Variants in GATA6 observed in about 807,000 individuals in gnomAD.
GATA6 encodes transcription factor GATA-6.
GATA6 carries 11 observed loss-of-function variants against 48.1 expected under a neutral mutation model. The ratio of observed to expected loss-of-function variants is 0.23; its 90% CI spans 0.14 to 0.38. The LOEUF (loss-of-function observed/expected upper bound fraction) is 0.38, where lower values mean the gene tolerates loss of function less well. Among genes scored for constraint, GATA6 ranks in the 10% least tolerant of loss-of-function variants. The pLI is 1.00. For missense variants in GATA6, 795 were observed against 850.3 expected, an observed-to-expected ratio of 0.93 and a Z score of 0.81; for synonymous variants, 419 against 396.1, an observed-to-expected ratio of 1.06 and a Z score of -0.69.
At chr18:22,177,206 T>A (rs2033134117) in intron 3 of GATA6, 85 bp downstream of exon 3, 13 of 1,310,004 alleles carry the variant, frequency 9.9e-6, no homozygotes, top group Admixed American at 3.1e-5. Flanking sequence ...TCGGCCTGCC[T>A]TGGGCGTCCC....
intron 6 of GATA6, among the ~76,000 whole-genome samples, chr18:22,189,879 T>C (rs1279648471): frequency 3.3e-5 from 5 of 152,188 alleles, no homozygotes; most frequent in Non-Finnish European, 5.9e-5. Flanking sequence ...ACATTTTATT[T>C]TTTACTCCTC....
At chr18:22,191,680 T>G (rs1326914589) in intron 6 of GATA6, among the ~76,000 whole-genome samples, 2 of 152,192 alleles carry the variant, frequency 1.3e-5, no homozygotes, top group Non-Finnish European at 1.5e-5. Context: ...AAAAAGCATC[T>G]CCATAGACAG....
chr18:22,181,324 G>T, intron 3 of GATA6, 129 bp from the exon 4 acceptor site: 1 of 1,175,246 alleles, frequency 8.5e-7, no homozygotes, highest in South Asian at 1.4e-5. Flanking sequence ...TTTTTCTCAA[G>T]GACCATTTCA....
At chr18:22,179,066 GA>G (rs1211442633) in intron 3 of GATA6, among the ~76,000 whole-genome samples, 1 of 151,704 alleles carries the variant, frequency 6.6e-6, no homozygotes, top group South Asian at 2.1e-4. Context: ...AACTTAGAAG[GA>G]AAAAAAAGAA....
chr18:22,187,043 G>T (rs1319766443), intron 6 of GATA6, among the ~76,000 whole-genome samples: 1 of 152,096 alleles, frequency 6.6e-6, no homozygotes, highest in Non-Finnish European at 1.5e-5. Flanking sequence ...AATTATTTTT[G>T]TTTATTAAAA....
chr18:22,174,899 T>G (rs1300693330), intron 2 of GATA6, among the ~76,000 whole-genome samples: 1 of 151,978 alleles, frequency 6.6e-6, no homozygotes, highest in African/African-American at 2.4e-5. Flanking sequence ...TGGGGTGAGC[T>G]CAGAGTCCTC....
rs947739370 is a variant in GATA6 at position 22,175,921 on chromosome 18, C to A, written c.1136-1034C>A. 2.0e-5 allele frequency among the ~76,000 whole-genome samples: 3 copies of A among 152,026 alleles called. 1 individual carries two copies. The highest frequency in any genetic ancestry group is 2.0e-4 in the Admixed American group (3 of 15,262). Reference sequence around the variant, plus strand: ...CTATAATCTAAAGAACCTTAAATGGCGGTCTATACTTTTTTTTGGTCTATA... The same window carrying A: ...CTATAATCTAAAGAACCTTAAATGGAGGTCTATACTTTTTTTTGGTCTATA... On this transcript the variant is annotated intron_variant, in intron 2 of 6. Transcript: ENST00000269216.
chr18:22,178,589 G>T (rs1195121288), intron 3 of GATA6, among the ~76,000 whole-genome samples: 4 of 152,206 alleles, frequency 2.6e-5, no homozygotes, highest in African/African-American at 9.6e-5. Flanking sequence ...CACAATGTAA[G>T]TCTGACACCT....
At chr18:22,177,179 G>A in intron 3 of GATA6, 58 bp downstream of exon 3, 7 of 1,467,048 alleles carry the variant, frequency 4.8e-6, no homozygotes, top group Non-Finnish European at 5.4e-6. Context: ...TCCTGGCCCG[G>A]CCGGCCCCGC....
chr18:22,179,343 G>C (rs1001812177), intron 3 of GATA6, among the ~76,000 whole-genome samples: 2 of 152,172 alleles, frequency 1.3e-5, no homozygotes, highest in African/African-American at 4.8e-5. Flanking sequence ...GCAATACATT[G>C]CAAAATAAGA....
At chr18:22,181,623 G>T in intron 4 of GATA6, 45 bp downstream of exon 4, 1 of 1,607,528 alleles carries the variant, frequency 6.2e-7, no homozygotes, top group Non-Finnish European at 8.5e-7. Flanking sequence ...TTAGTATCTG[G>T]TTTGTATGTG....
At chr18:22,174,087 C>T (rs2033091230) in intron 2 of GATA6, among the ~76,000 whole-genome samples, 1 of 152,176 alleles carries the variant, frequency 6.6e-6, no homozygotes, top group Non-Finnish European at 1.5e-5. Context: ...CATAGGGACC[C>T]GTGTTTGGCT....
chr18:22,198,246 T>G (rs1050987324), intron 6 of GATA6, among the ~76,000 whole-genome samples: 3 of 152,106 alleles, frequency 2.0e-5, no homozygotes. Context: ...AACTTTTGTA[T>G]TTTTTGTAGA....
chr18:22,197,444 T>C (rs369014089), intron 6 of GATA6, among the ~76,000 whole-genome samples: 2 of 152,316 alleles, frequency 1.3e-5, no homozygotes, highest in Non-Finnish European at 2.9e-5. Context: ...CAAAGCTGTA[T>C]GTCAGGCTTC....
chr18:22,180,571 A>G (rs1256427583), intron 3 of GATA6, among the ~76,000 whole-genome samples: 2 of 152,180 alleles, frequency 1.3e-5, no homozygotes, highest in African/African-American at 4.8e-5. Context: ...GGCAGCATTA[A>G]GATTATGCCA....
At chr18:22,180,189 T>C (rs554579343) in intron 3 of GATA6, 1 of 152,274 alleles carries the variant, frequency 6.6e-6, no homozygotes, top group South Asian at 2.1e-4. Flanking sequence ...ATCCTTCCAA[T>C]TTTAGTATAT....
rs2033055704 is a variant in GATA6, at chr18:22,171,890, C to T, written c.746C>T (p.Pro249Leu). The change falls in exon 2 of 7, where the codon CCT (proline) becomes CTT (leucine). Residue 249 changes from proline (P) to leucine (L), a missense_variant. Around this residue, in one of 5 missense-constraint regions of GATA6, gnomAD observed 591 missense variants for 570.0 expected, o/e 1.04. Coordinates refer to ENST00000269216, the MANE Select transcript of GATA6 (RefSeq NM_005257.6). This position sits in a 1 kb window ranked among gnomAD's most constrained non-coding sequence, Gnocchi z 7.1. ...GCGGCTGGCGGCGGGGCCGCGGGGC[C>T]TGGCGGCGCTGGCTCAGCCGCGGCG... The part of the protein sequence containing the change: ...GGAAGGGAAG[P>L]GGAGSAAAHV... 8.7e-7 allele frequency: 1 copy of T among 1,152,754 alleles called. No homozygotes were observed. Among genetic ancestry groups the T allele is most frequent in the African/African-American group, 1.6e-5 (1 of 61,382 alleles). 71.4% of individuals were successfully genotyped at this position (1,152,754 alleles called of 1,614,324 possible).
intron 6 of GATA6, among the ~76,000 whole-genome samples, chr18:22,198,573 C>A (rs2033419672): frequency 6.6e-6 from 1 of 152,208 alleles, no homozygotes; most frequent in Admixed American, 6.5e-5. Flanking sequence ...AAAATCAATG[C>A]AAAGTTGGAC....
chr18:22,182,793 C>A lies in GATA6; in HGVS notation c.1465C>A (p.Gln489Lys). The A allele has an allele frequency of 1.2e-6, 2 of 1,614,016 alleles. No individual in the cohort carries two copies. Among genetic ancestry groups the A allele is most frequent in the Non-Finnish European group, 1.7e-6 (2 of 1,179,976 alleles). The change falls in exon 5 of 7, where the codon CAA becomes AAA. Residue 489 changes from glutamine to lysine, a missense_variant. Gln to Lys is a moderately conservative substitution (Grantham distance 53). Around this residue, in one of 5 missense-constraint regions of GATA6, gnomAD observed 24 missense variants for 43.6 expected, o/e 0.55. Transcript: ENST00000269216. Reference protein sequence around the residue: ...RPLAMKKEGIQTRKRKPKNIN... With the variant: ...RPLAMKKEGIKTRKRKPKNIN... Reference sequence around the variant, plus strand: ...ACTTGCTATGAAAAAAGAGGGAATTCAAACCAGGAAACGAAAACCTAAGAA... The same window carrying A: ...ACTTGCTATGAAAAAAGAGGGAATTAAAACCAGGAAACGAAAACCTAAGAA...
Sources: allele counts gnomAD v4.1 joint callset (sites outside exome capture counted in the v4.1 genomes callset), GRCh38; gene constraint gnomAD v4.1.1; regional missense constraint gnomAD v4.1.1; non-coding constraint Gnocchi (gnomAD v3.1); transcripts MANE v1.5; gene names NCBI Gene and HGNC (gene_info 2026-07-23, HGNC 2026-07-21).